ARIH2: variants seen among roughly 807,000 people sequenced by gnomAD.
ARIH2 encodes E3 ubiquitin-protein ligase ARIH2.
Under a neutral mutation model 79.8 loss-of-function variants are expected in ARIH2, and 12 were observed. The ratio of observed to expected loss-of-function variants is 0.15; its 90% CI spans 0.10 to 0.24. The LOEUF (loss-of-function observed/expected upper bound fraction) is 0.24, where lower values mean the gene tolerates loss of function less well. Ranked by LOEUF, ARIH2 falls within the 10% of genes least tolerant of loss-of-function variation. ARIH2 has a pLI of 1.00. For missense variants in ARIH2, 301 were observed against 618.3 expected (o/e 0.49, Z 5.44); for synonymous variants, 224 against 213.9 (o/e 1.05, Z -0.41).
In ARIH2 at chr3:48,983,754, C is replaced by T. The variant is rs944669711; in HGVS notation, c.*484C>T. 2 of 160,010 alleles carry T rather than the reference C, an allele frequency of 1.2e-5. No individual in the cohort carries two copies. Among genetic ancestry groups the T allele is most frequent in the Non-Finnish European group, 2.7e-5 (2 of 72,998 alleles). 9.9% of individuals were successfully genotyped at this position (160,010 alleles called of 1,614,324 possible). A position where few individuals can be genotyped will look rare whatever the true frequency, so the allele number is the denominator to read the frequency against. On this transcript the variant is annotated 3_prime_UTR_variant, in exon 16 of 16. Transcript: ENST00000356401. ...CAAAATGTCTGTACTGCAAGAGGGCCCTGGGCCTCTGCTTTCCATATTCAC... is the reference window on the plus strand; with the variant it reads ...CAAAATGTCTGTACTGCAAGAGGGCTCTGGGCCTCTGCTTTCCATATTCAC...
chr3:48,919,177 G>T (rs957443525), intron 1 of ARIH2, 179 bp downstream of exon 1: 1 of 1,298,848 alleles, frequency 7.7e-7, no homozygotes, highest in Non-Finnish European at 9.7e-7. Flanking sequence ...CGGGCGCCCA[G>T]CGTGTGTCTG....
At chr3:48,947,556 A>T (rs539523739) in intron 3 of ARIH2, among the ~76,000 whole-genome samples, 1 of 152,342 alleles carries the variant, frequency 6.6e-6, no homozygotes, top group African/African-American at 2.4e-5. Context: ...TCTATAGTGT[A>T]TACAGTCAGT....
chr3:48,970,251 C>T (rs1049646876), intron 7 of ARIH2, among the ~76,000 whole-genome samples: 6 of 151,920 alleles, frequency 3.9e-5, no homozygotes, highest in African/African-American at 4.8e-5. Flanking sequence ...TGGAATGCAT[C>T]GGTGCAATCA....
At chr3:48,977,737 G>A (rs1057067268) in intron 11 of ARIH2, among the ~76,000 whole-genome samples, 15 of 152,264 alleles carry the variant, frequency 9.9e-5, no homozygotes, top group East Asian at 3.9e-4. Context: ...GATTACAGGC[G>A]TGAGGCACCG....
chr3:48,928,345 A>C (rs1473868939), intron 3 of ARIH2, among the ~76,000 whole-genome samples: 2 of 152,162 alleles, frequency 1.3e-5, no homozygotes, highest in Non-Finnish European at 2.9e-5. Context: ...TAGTATGGAA[A>C]TTGTAAAGAA....
chr3:48,919,539 G>T (rs562009477), intron 1 of ARIH2, among the ~76,000 whole-genome samples: 1 of 152,354 alleles, frequency 6.6e-6, no homozygotes, highest in East Asian at 1.9e-4. Flanking sequence ...ACTGTTCATT[G>T]CCTGGTCCCA....
chr3:48,975,075 A>G, intron 11 of ARIH2, 96 bp downstream of exon 11: 1 of 1,599,508 alleles, frequency 6.3e-7, no homozygotes, highest in Non-Finnish European at 8.6e-7. Context: ...TGAAATGACA[A>G]AACATAGAAG....
At chr3:48,935,004 A>G (rs529839054) in intron 3 of ARIH2, 1 of 965,920 alleles carries the variant, frequency 1.0e-6, no homozygotes, top group Non-Finnish European at 1.2e-6. Context: ...TCTTGAGTTT[A>G]TAAATTTTTT....
intron 3 of ARIH2, among the ~76,000 whole-genome samples, chr3:48,935,668 C>T (rs956184805): frequency 1.1e-4 from 17 of 152,170 alleles, no homozygotes; most frequent in Admixed American, 1.1e-3. Flanking sequence ...AATGATAACA[C>T]CTCCTTCACA....
chr3:48,926,242 CGTGTGTGTGTGTGTGTGT>C (rs34080246), intron 2 of ARIH2, among the ~76,000 whole-genome samples: 5 of 148,062 alleles, frequency 3.4e-5, no homozygotes, highest in Admixed American at 2.7e-4. Flanking sequence ...GAGTTTCCCT[CGTGTGTGTGTGTGTGTGT>C]GTGTGTATGT....
intron 1 of ARIH2, among the ~76,000 whole-genome samples, chr3:48,921,137 A>G (rs1237572267): frequency 1.3e-5 from 1 of 75,858 alleles, no homozygotes. Flanking sequence ...TTGTATTTTT[A>G]GTAGAGACAG....
In ARIH2 at chr3:48,918,902, C is replaced by T. The variant is rs758360856; in HGVS notation, c.-258C>T. 3.7e-6 allele frequency: 6 copies of T among 1,602,128 alleles called. No homozygotes were observed. Among genetic ancestry groups the T allele is most frequent in the African/African-American group, 1.3e-5 (1 of 74,840 alleles). On this transcript the variant is annotated 5_prime_UTR_variant, in exon 1 of 16. Transcript: ENST00000356401. Reference sequence around the variant, plus strand: ...GCGGGCTTGACCGGCGTCGGCCCGCCGCCTCCGCTGCCGCTTCGCCCCAAT... The same window carrying T: ...GCGGGCTTGACCGGCGTCGGCCCGCTGCCTCCGCTGCCGCTTCGCCCCAAT...
chr3:48,963,593 A>T (rs1207085671), intron 4 of ARIH2, among the ~76,000 whole-genome samples: 4 of 152,228 alleles, frequency 2.6e-5, no homozygotes, highest in Admixed American at 2.0e-4. Context: ...CTGTCACGTA[A>T]TTTTTCTGGA....
chr3:48,973,108 AG>A (rs770222979), intron 8 of ARIH2, among the ~76,000 whole-genome samples: 1 of 152,248 alleles, frequency 6.6e-6, no homozygotes, highest in Non-Finnish European at 1.5e-5. Flanking sequence ...AACTCTGGGT[AG>A]GTAAAGGTTC....
At chr3:48,919,424 T>G in intron 1 of ARIH2, 15 of 324,322 alleles carry the variant, frequency 4.6e-5, no homozygotes, top group Non-Finnish European at 6.8e-5. Context: ...CGCGCGAATA[T>G]CCCGGAGCCC....
intron 3 of ARIH2, among the ~76,000 whole-genome samples, chr3:48,940,808 AATATATAT>A (rs1553702240): frequency 1.0e-5 from 1 of 98,048 alleles, no homozygotes; most frequent in Admixed American, 1.2e-4. Context: ...AAAAAAAAAA[AATATATAT>A]ATATATATAT....
At chr3:48,973,475 G>T (rs569199028) in intron 8 of ARIH2, 214 of 358,242 alleles carry the variant, frequency 6.0e-4, no homozygotes, top group Non-Finnish European at 9.3e-4. Context: ...TACTCGGGAG[G>T]TTGAGTCAGG....
chr3:48,959,971 T>C (rs1390108023), intron 3 of ARIH2, among the ~76,000 whole-genome samples: 1 of 152,246 alleles, frequency 6.6e-6, no homozygotes, highest in Non-Finnish European at 1.5e-5. Flanking sequence ...CTGCAGTTCT[T>C]ATCTGTGGAC....
chr3:48,954,017 C>T (rs1163335036), intron 3 of ARIH2, among the ~76,000 whole-genome samples: 2 of 151,710 alleles, frequency 1.3e-5, no homozygotes, highest in African/African-American at 2.4e-5. Context: ...AAAAATTAGC[C>T]GGGAGTGGTG....
Sources: allele counts gnomAD v4.1 joint callset (sites outside exome capture counted in the v4.1 genomes callset), GRCh38; gene constraint gnomAD v4.1.1; transcripts MANE v1.5; gene names NCBI Gene and HGNC (gene_info 2026-07-23, HGNC 2026-07-21).